The following UBE2K variants were observed in gnomAD, a reference collection of about 807,000 sequenced individuals.
UBE2K encodes ubiquitin conjugating enzyme E2 K.
In UBE2K, 6 loss-of-function variants were observed where a neutral mutation model predicts 30.0. The observed-to-expected ratio is 0.20, with a 90% CI of 0.11 to 0.39. The LOEUF is 0.39. UBE2K is among the 10% of genes least tolerant of loss of function. The pLI, the probability that UBE2K is intolerant of heterozygous loss-of-function variation, is 1.00. For synonymous variants in UBE2K, 86 were observed against 83.7 expected (o/e 1.03, Z -0.15); for missense variants, 61 against 241.6 (o/e 0.25, Z 4.96).
intron 4 of UBE2K, chr4:39,770,496 C>T: frequency 1.9e-6 from 3 of 1,610,186 alleles, no homozygotes; most frequent in Non-Finnish European, 2.5e-6. Context: ...TGAGAAGCTC[C>T]CAGGCAGGGG....
intron 1 of UBE2K, among the ~76,000 whole-genome samples, chr4:39,713,018 G>A (rs1408544470): frequency 1.3e-5 from 2 of 151,842 alleles, no homozygotes; most frequent in South Asian, 2.1e-4. Context: ...GGCATGCCCC[G>A]CTAAGCCTGG....
chr4:39,723,266 G>T (rs960424576), intron 1 of UBE2K, among the ~76,000 whole-genome samples: 4 of 148,064 alleles, frequency 2.7e-5, no homozygotes. Flanking sequence ...GGCTGGTCTC[G>T]AACTAAGCTC....
At chr4:39,760,427 G>A (rs1250646937) in intron 4 of UBE2K, among the ~76,000 whole-genome samples, 2 of 152,056 alleles carry the variant, frequency 1.3e-5, no homozygotes, top group African/African-American at 2.4e-5. Flanking sequence ...CAAGAAAATT[G>A]ATACATTGTG....
At chr4:39,743,722 TATAA>T (rs1309280676) in intron 2 of UBE2K, among the ~76,000 whole-genome samples, 6 of 152,242 alleles carry the variant, frequency 3.9e-5, no homozygotes, top group East Asian at 1.9e-4. Flanking sequence ...CTCATAGTCT[TATAA>T]ATAAATATTT....
chr4:39,712,801 A>G (rs1718784109), intron 1 of UBE2K, among the ~76,000 whole-genome samples: 1 of 151,796 alleles, frequency 6.6e-6, no homozygotes, highest in Admixed American at 6.6e-5. Flanking sequence ...CCTAGTCAGT[A>G]GAGATATTAA....
At chr4:39,745,632 C>A in intron 2 of UBE2K, 120 bp from the exon 3 acceptor site, 2 of 685,294 alleles carry the variant, frequency 2.9e-6, no homozygotes, top group South Asian at 2.1e-5. Context: ...TGGATTTCAA[C>A]TTTAAAATGA....
intron 4 of UBE2K, chr4:39,770,634 G>A: frequency 5.6e-6 from 9 of 1,599,522 alleles, no homozygotes; most frequent in Non-Finnish European, 7.7e-6. Context: ...TGCGTTCTCC[G>A]ACAGGCTATA....
chr4:39,770,423 C>T, intron 4 of UBE2K: 5 of 1,612,566 alleles, frequency 3.1e-6, no homozygotes, highest in East Asian at 2.2e-5. Context: ...AGACCAGCTT[C>T]TCCACGCCCT....
intron 4 of UBE2K, among the ~76,000 whole-genome samples, chr4:39,767,472 T>C (rs1578498878): frequency 6.6e-6 from 1 of 151,884 alleles, no homozygotes; most frequent in African/African-American, 2.4e-5. Context: ...TACAGGCGCC[T>C]GCCACCACGC....
intron 4 of UBE2K, among the ~76,000 whole-genome samples, chr4:39,769,494 T>G (rs1227441068): frequency 6.6e-6 from 1 of 150,386 alleles, no homozygotes; most frequent in Non-Finnish European, 1.5e-5. Context: ...ACCTGGCGTC[T>G]TACTTTTTTC....
intron 4 of UBE2K, chr4:39,770,659 C>T: frequency 6.3e-7 from 1 of 1,587,182 alleles, no homozygotes. Flanking sequence ...GCCTTCACCA[C>T]ACCCTGCGGT....
intron 4 of UBE2K, among the ~76,000 whole-genome samples, chr4:39,765,908 T>TACATAC (rs1712292441): frequency 5.4e-4 from 81 of 149,750 alleles, no homozygotes; most frequent in African/African-American, 1.7e-3. Flanking sequence ...AGGATATATA[T>TACATAC]ATACATACAT....
chr4:39,701,005 G>A (rs1016941007), intron 1 of UBE2K, among the ~76,000 whole-genome samples: 1 of 152,176 alleles, frequency 6.6e-6, no homozygotes, highest in African/African-American at 2.4e-5. Context: ...AAAATTGATT[G>A]CTTTCTGTGT....
intron 4 of UBE2K, among the ~76,000 whole-genome samples, chr4:39,774,343 C>G (rs778822251): frequency 3.3e-5 from 5 of 151,466 alleles, no homozygotes; most frequent in African/African-American, 4.9e-5. Context: ...GGTGGTTTTT[C>G]ATGCCTGTAA....
Position 39,775,998 on chromosome 4 carries a change from A to G in UBE2K, c.399+1065A>G, listed in dbSNP as rs560562728. ...TACACACTCACACTTGGATGATCATATCTGTACTGATGTTAGTACCTGTAC... is the reference window on the plus strand; with the variant it reads ...TACACACTCACACTTGGATGATCATGTCTGTACTGATGTTAGTACCTGTAC... On this transcript the variant is annotated intron_variant, in intron 5 of 6. Coordinates refer to ENST00000261427, the MANE Select transcript of UBE2K (RefSeq NM_005339.5). 2.6e-5 allele frequency among the ~76,000 whole-genome samples: 4 copies of G among 152,296 alleles called. 1 individual carries two copies. The highest frequency in any genetic ancestry group is 9.6e-5 in the African/African-American group (4 of 41,558).
rs1457210825 is a variant in UBE2K, at chr4:39,752,311, ATTTTTTTTTTTTTCTTTTTTTTTCT to A, written c.217-3332_217-3308del. Among the ~76,000 whole-genome samples the A allele has an allele frequency of 2.7e-3, 315 of 118,544 alleles. 4 individuals carry two copies. The highest frequency in any genetic ancestry group is 9.5e-3 in the African/African-American group (301 of 31,664). 77.8% of individuals were successfully genotyped at this position (118,544 alleles called of 152,430 possible). ...AGGCGCCCGCCATCACGCCTGGCTAATTTTTTTTTTTTTCTTTTTTTTTCTTTTTTTTTTTTTTTTTTTGAGACGG... is the reference window on the plus strand; with the variant it reads ...AGGCGCCCGCCATCACGCCTGGCTAATTTTTTTTTTTTTTTTTTGAGACGG... On this transcript the variant is annotated intron_variant, in intron 3 of 6. Transcript: ENST00000261427.
At chr4:39,735,332 C>A (rs1720318078) in intron 1 of UBE2K, among the ~76,000 whole-genome samples, 1 of 152,212 alleles carries the variant, frequency 6.6e-6, no homozygotes, top group Non-Finnish European at 1.5e-5. Context: ...GCCTCAGCTT[C>A]CCGAGTAGCA....
chr4:39,724,859 C>T (rs1276973187), intron 1 of UBE2K, among the ~76,000 whole-genome samples: 2 of 151,762 alleles, frequency 1.3e-5, no homozygotes, highest in African/African-American at 2.4e-5. Flanking sequence ...GTTTATCTGA[C>T]TTAGGATTGG....
intron 3 of UBE2K, among the ~76,000 whole-genome samples, chr4:39,750,740 A>C (rs1214958822): frequency 6.6e-6 from 1 of 150,434 alleles, no homozygotes; most frequent in Non-Finnish European, 1.5e-5. Context: ...TTTTTTACAA[A>C]ATTTTTATTT....
Sources: allele counts gnomAD v4.1 joint callset (sites outside exome capture counted in the v4.1 genomes callset), GRCh38; gene constraint gnomAD v4.1.1; transcripts MANE v1.5; gene names NCBI Gene and HGNC (gene_info 2026-07-23, HGNC 2026-07-21).